Variants in MED12L observed in about 807,000 individuals in gnomAD.
MED12L encodes mediator complex subunit 12L, also known as mediator of RNA polymerase II transcription subunit 12-like protein.
Under a neutral mutation model 281.3 loss-of-function variants are expected in MED12L, and 60 were observed. The ratio of observed to expected loss-of-function variants is 0.21; its 90% confidence interval spans 0.17 to 0.26. The LOEUF is 0.26. Ranked by LOEUF, MED12L falls within the 10% of genes least tolerant of loss-of-function variation. The pLI is 1.00. For synonymous variants in MED12L, 974 were observed against 987.2 expected (o/e 0.99, Z 0.25); for missense variants, 2,146 against 2,680.9 (o/e 0.80, Z 4.41).
At chr3:151,422,713 A>G (rs1487492964) in intron 43 of MED12L, among the ~76,000 whole-genome samples, 1 of 151,992 alleles carries the variant, frequency 6.6e-6, no homozygotes, top group Non-Finnish European at 1.5e-5. Flanking sequence ...AGGGAACATA[A>G]TTCAACCGAA....
intron 16 of MED12L, among the ~76,000 whole-genome samples, chr3:151,221,505 G>A (rs1729346062): frequency 6.6e-6 from 1 of 152,230 alleles, no homozygotes; most frequent in Non-Finnish European, 1.5e-5. Context: ...CAGGGTCTCT[G>A]TGCTGTGTGC....
intron 37 of MED12L, among the ~76,000 whole-genome samples, chr3:151,388,745 G>T (rs913086506): frequency 6.6e-6 from 1 of 152,036 alleles, no homozygotes; most frequent in Non-Finnish European, 1.5e-5. Flanking sequence ...TTTACTTCTT[G>T]TTTCTCTATT....
chr3:151,247,126 A>G (rs1735725654), intron 16 of MED12L, among the ~76,000 whole-genome samples: 1 of 152,152 alleles, frequency 6.6e-6, no homozygotes, highest in Non-Finnish European at 1.5e-5. Context: ...GGTGCTGGAG[A>G]GGATGTGGAG....
intron 16 of MED12L, chr3:151,340,554 T>TA (rs1458865329): frequency 6.6e-6 from 1 of 152,644 alleles, no homozygotes; most frequent in Non-Finnish European, 1.5e-5. Context: ...TATCAGAGTG[T>TA]AAATACATAT....
intron 36 of MED12L, among the ~76,000 whole-genome samples, chr3:151,386,939 C>T (rs1035235190): frequency 6.6e-6 from 1 of 152,048 alleles, no homozygotes; most frequent in Non-Finnish European, 1.5e-5. Flanking sequence ...AAAGTCCTTA[C>T]CTCAGGTGAT....
At position 151,383,826 on chromosome 3, in the gene MED12L, A is replaced by C. The variant is rs2108157289; in HGVS notation, c.4728A>C (p.Thr1576=). The change falls in exon 34 of 45, where the codon ACA becomes ACC. Residue 1576 remains threonine (T), a synonymous_variant. Transcript: ENST00000687756. The part of the protein sequence containing the change: ...DTVQRSTQWT[T]DWALLLLQII... ...TGCAGAGGAGCACCCAGTGGACTAC[A>C]GACTGGGCCCTGCTACTCCTTCAGA... 1 of 1,614,074 alleles carries C rather than the reference A, an allele frequency of 6.2e-7. No individual in the cohort carries two copies. Among genetic ancestry groups the C allele is most frequent in the Non-Finnish European group, 8.5e-7 (1 of 1,179,928 alleles).
chr3:151,304,380 C>T (rs1746356457), intron 16 of MED12L, among the ~76,000 whole-genome samples: 1 of 151,994 alleles, frequency 6.6e-6, no homozygotes, highest in Non-Finnish European at 1.5e-5. Flanking sequence ...TCGAGACCAG[C>T]GTGGCCAACA....
At chr3:151,086,480 G>A (rs1411414386) in intron 1 of MED12L, 1 of 142,702 alleles carries the variant, frequency 7.0e-6, no homozygotes, top group Non-Finnish European at 1.5e-5. Flanking sequence ...GCCAAGAAAA[G>A]TTTTTTTTTT....
chr3:151,344,835 C>T (rs1752332887), intron 16 of MED12L, among the ~76,000 whole-genome samples: 1 of 152,100 alleles, frequency 6.6e-6, no homozygotes. Context: ...GTTGAAATAT[C>T]AGAAAATGTG....
chr3:151,380,651 C>T (rs1272527852), intron 32 of MED12L, among the ~76,000 whole-genome samples: 1 of 151,294 alleles, frequency 6.6e-6, no homozygotes, highest in Non-Finnish European at 1.5e-5. Context: ...TGAGTAGACG[C>T]TGAGAAACAA....
At chr3:151,233,511 G>T (rs897383383) in intron 16 of MED12L, among the ~76,000 whole-genome samples, 9 of 152,188 alleles carry the variant, frequency 5.9e-5, no homozygotes, top group African/African-American at 2.2e-4. Flanking sequence ...AGGCTGGCGG[G>T]TCACCTGAGG....
intron 2 of MED12L, 67 bp downstream of exon 2, chr3:151,087,092 T>G: frequency 1.5e-6 from 2 of 1,342,602 alleles, no homozygotes; most frequent in Non-Finnish European, 1.0e-6. Flanking sequence ...GGGGCCAAGT[T>G]GGCCCAGCGG....
At chr3:151,248,901 A>C (rs549825978) in intron 16 of MED12L, 2 of 152,324 alleles carry the variant, frequency 1.3e-5, no homozygotes, top group South Asian at 2.1e-4. Context: ...TGTAGGCAAG[A>C]TAGGATCAGC....
chr3:151,338,313 A>G, intron 16 of MED12L: 2 of 1,614,134 alleles, frequency 1.2e-6, no homozygotes, highest in Non-Finnish European at 1.7e-6. Context: ...CTCTGATTTA[A>G]GGAAAGAGCA....
intron 11 of MED12L, among the ~76,000 whole-genome samples, chr3:151,181,439 C>T (rs1355174805): frequency 6.6e-6 from 1 of 150,688 alleles, no homozygotes; most frequent in Admixed American, 6.6e-5. Flanking sequence ...TTTTAAGACA[C>T]AGGGTCTGGC....
intron 5 of MED12L, among the ~76,000 whole-genome samples, chr3:151,149,145 C>T (rs990927038): frequency 6.6e-5 from 10 of 152,032 alleles, no homozygotes; most frequent in Admixed American, 3.9e-4. Context: ...GTGTTGTCTA[C>T]GTGTAAGGTG....
intron 16 of MED12L, among the ~76,000 whole-genome samples, chr3:151,224,446 CTTTT>C (rs80099332): frequency 7.0e-6 from 1 of 143,172 alleles, no homozygotes; most frequent in South Asian, 2.2e-4. Flanking sequence ...ATGTTTAACA[CTTTT>C]TTTTTTTTTG....
chr3:151,160,195 A>AC, intron 8 of MED12L, 94 bp downstream of exon 8: 9 of 1,235,084 alleles, frequency 7.3e-6, no homozygotes, highest in Non-Finnish European at 9.0e-6. Flanking sequence ...TTGACTTTTT[A>AC]CAACTCTAGT....
intron 5 of MED12L, among the ~76,000 whole-genome samples, chr3:151,149,924 T>G (rs1457095491): frequency 6.6e-6 from 1 of 152,218 alleles, no homozygotes; most frequent in Non-Finnish European, 1.5e-5. Context: ...CAGGCTCCCC[T>G]TCTAATTCTA....
Sources: gnomAD v4.1 joint callset for allele counts (sites outside exome capture counted in the v4.1 genomes callset) on GRCh38, gnomAD v4.1.1 for gene constraint, MANE v1.5 for transcripts, NCBI Gene and HGNC (gene_info 2026-07-23, HGNC 2026-07-21) for gene names.